Variants in SLC6A13 observed in about 807,000 individuals in gnomAD.
SLC6A13 encodes sodium- and chloride-dependent GABA transporter 2.
In SLC6A13, 69 loss-of-function variants were observed where a neutral mutation model predicts 72.9. The observed-to-expected ratio is 0.95, with a 90% CI of 0.78 to 1.16. The LOEUF is 1.16. Ranked by LOEUF, SLC6A13 falls within the 50% of genes most tolerant of loss-of-function variation. The probability of loss-of-function intolerance (pLI) is 0.00; values close to 1 mark genes in which losing one functional copy is unlikely to be tolerated. For synonymous variants in SLC6A13, 303 were observed against 303.0 expected (o/e 1.00, Z 0.00); for missense variants, 735 against 760.5 (o/e 0.97, Z 0.39).
At chr12:221,195 C>T in intron 14 of SLC6A13, 125 bp from the exon 15 acceptor site, 1 of 1,371,650 alleles carries the variant, frequency 7.3e-7, no homozygotes, top group Non-Finnish European at 9.7e-7. Flanking sequence ...CAGCCCCTGT[C>T]TGGGAGTCCC....
At chr12:237,071 G>T (rs962949116) in intron 6 of SLC6A13, 87 bp downstream of exon 6, 37 of 1,465,024 alleles carry the variant, frequency 2.5e-5, no homozygotes, top group Admixed American at 1.7e-4. Context: ...TCCTCAACGG[G>T]GCCACAGCTT....
At chr12:252,831 G>A (rs1043315872) in intron 2 of SLC6A13, among the ~76,000 whole-genome samples, 2 of 152,174 alleles carry the variant, frequency 1.3e-5, no homozygotes, top group African/African-American at 2.4e-5. Context: ...TCTGGGCCCC[G>A]TGGTCAGCTG....
intron 13 of SLC6A13, among the ~76,000 whole-genome samples, chr12:222,226 T>G (rs542466577): frequency 6.6e-6 from 1 of 152,252 alleles, no homozygotes; most frequent in Non-Finnish European, 1.5e-5. Flanking sequence ...ATTGCTGTGG[T>G]TATTAGCATT....
chr12:248,745 G>A (rs897550570), intron 2 of SLC6A13, among the ~76,000 whole-genome samples: 2 of 152,074 alleles, frequency 1.3e-5, no homozygotes, highest in Non-Finnish European at 2.9e-5. Context: ...AAATCAGTAT[G>A]GATATAACAG....
At chr12:243,639 C>G (rs759412358) in intron 3 of SLC6A13, 40 bp downstream of exon 3, 16 of 1,591,966 alleles carry the variant, frequency 1.0e-5, no homozygotes, top group Non-Finnish European at 1.2e-5. Context: ...TTTATAACCA[C>G]GAATGAAGAC....
rs1437616349 is a variant in SLC6A13, at chr12:237,157, C to T, written c.696+1G>A. On this transcript the variant is annotated splice_donor_variant, in intron 6 of 14. Transcript: ENST00000343164. LOFTEE classifies it high-confidence loss of function. Reference sequence around the variant, plus strand: ...GAGGGGCAGGAGCTCCCCACACGAACCTTGCCTGTGGACTTCACCCCCTTC... The same window carrying T: ...GAGGGGCAGGAGCTCCCCACACGAATCTTGCCTGTGGACTTCACCCCCTTC... The T allele has an allele frequency of 6.2e-7, 1 of 1,613,970 alleles. No individual in the cohort carries two copies. The highest frequency in any genetic ancestry group is 2.2e-5 in the East Asian group (1 of 44,866).
intron 11 of SLC6A13, 38 bp from the exon 12 acceptor site, chr12:223,272 C>T (rs774594206): frequency 1.6e-5 from 22 of 1,382,866 alleles, no homozygotes; most frequent in Middle Eastern, 1.8e-4. Context: ...GAAGTTTATC[C>T]AGTGGAAACA....
chr12:232,914 C>T (rs1470236573), intron 7 of SLC6A13, among the ~76,000 whole-genome samples: 1 of 152,250 alleles, frequency 6.6e-6, no homozygotes, highest in African/African-American at 2.4e-5. Flanking sequence ...TCCGGATAGC[C>T]TGACATTCTG....
rs550728545 is a variant in SLC6A13 at position 238,202 on chromosome 12, A to G, written c.479-192T>C. The stretch of plus-strand genomic sequence containing the variant: ...AAATGCAGCTCACTCTCTCCCGCAC[A>G]CTTGGACATGTGGGTACATAGATGC... On this transcript the variant is annotated intron_variant, in intron 4 of 14. Coordinates refer to ENST00000343164, the MANE Select transcript of SLC6A13 (RefSeq NM_016615.5). 5.2e-6 allele frequency: 8 copies of G among 1,529,126 alleles called. No individual in the cohort carries two copies. The African/African-American group carries it at 6.8e-5, about 13-fold the overall frequency. 94.7% of individuals were successfully genotyped at this position (1,529,126 alleles called of 1,614,324 possible). A position where few individuals can be genotyped will look rare whatever the true frequency, so the allele number is the denominator to read the frequency against.
At chr12:260,081 G>A (rs1942879298) in intron 1 of SLC6A13, 24 bp from the exon 2 acceptor site, 1 of 1,603,286 alleles carries the variant, frequency 6.2e-7, no homozygotes, top group Non-Finnish European at 8.5e-7. Flanking sequence ...GGGATGCTCT[G>A]TTACTGTTGG....
chr12:222,059 T>C (rs1248266377), intron 13 of SLC6A13, among the ~76,000 whole-genome samples: 2 of 152,246 alleles, frequency 1.3e-5, no homozygotes, highest in Non-Finnish European at 2.9e-5. Context: ...CTTGGGCCAG[T>C]GGCTTAACAA....
intron 4 of SLC6A13, among the ~76,000 whole-genome samples, chr12:242,017 C>G (rs143367457): frequency 1.3e-5 from 2 of 152,344 alleles, no homozygotes; most frequent in Non-Finnish European, 2.9e-5. Context: ...TTATAGCAGA[C>G]GGCCCAGGTG....
chr12:262,638 AT>A (rs1275414336), intron 1 of SLC6A13, 150 bp downstream of exon 1: 2 of 971,982 alleles, frequency 2.1e-6, no homozygotes, highest in African/African-American at 3.5e-5. Flanking sequence ...AAAATAGCAC[AT>A]AATCTTTGCA....
At chr12:252,052 TTG>T (rs1942573800) in intron 2 of SLC6A13, among the ~76,000 whole-genome samples, 1 of 152,198 alleles carries the variant, frequency 6.6e-6, no homozygotes, top group South Asian at 2.1e-4. Context: ...GATAAAGGAC[TTG>T]TGTGTTAGAA....
intron 2 of SLC6A13, among the ~76,000 whole-genome samples, chr12:250,738 C>G (rs1942502159): frequency 7.1e-6 from 1 of 141,378 alleles, no homozygotes; most frequent in Non-Finnish European, 1.5e-5. Context: ...AGATTTAATA[C>G]AATCCTAATC....
chr12:226,671 C>T (rs974555722), intron 8 of SLC6A13, 157 bp from the exon 9 acceptor site: 2 of 840,426 alleles, frequency 2.4e-6, no homozygotes, highest in Non-Finnish European at 3.5e-6. Context: ...ATTCAGAGGA[C>T]CACGCAAAGC....
At position 259,939 on chromosome 12, in the gene SLC6A13, CTTG is replaced by C; in HGVS notation, c.111_113del (p.Asn37del). 5.0e-6 allele frequency: 8 copies of C among 1,614,232 alleles called. No homozygotes were observed. Among genetic ancestry groups the C allele is most frequent in the Non-Finnish European group, 6.8e-6 (8 of 1,180,034 alleles). ...CAGCCACTGACAGCACAAACTCCAT[CTTG>C]TTGTTCCAGTGCCCCCGCTCCAGGG... On this transcript the variant is annotated inframe_deletion, in exon 2 of 15. Transcript: ENST00000343164.
rs956743796 is a variant in SLC6A13, at chr12:238,357, T to C, written c.479-347A>G. On this transcript the variant is annotated intron_variant, in intron 4 of 14. Coordinates refer to ENST00000343164, the MANE Select transcript of SLC6A13 (RefSeq NM_016615.5). ...CAAAGTCACCACCTTCGAGGAATAA[T>C]AAGAGGGAAGTGATGTGTCAGAGTG... 57 of 1,312,672 alleles carry C rather than the reference T, an allele frequency of 4.3e-5. No homozygotes were observed. The African/African-American group carries it at 7.8e-4, about 18-fold the overall frequency. 81.3% of individuals were successfully genotyped at this position (1,312,672 alleles called of 1,614,324 possible). A position where few individuals can be genotyped will look rare whatever the true frequency, so the allele number is the denominator to read the frequency against.
chr12:243,852 T>G (rs1456238444), intron 2 of SLC6A13, 39 bp from the exon 3 acceptor site: 3 of 1,604,076 alleles, frequency 1.9e-6, no homozygotes, highest in East Asian at 4.5e-5. Context: ...CCTGGGACTA[T>G]TCTCCTCATG....
Sources: gnomAD v4.1 joint callset for allele counts (sites outside exome capture counted in the v4.1 genomes callset) on GRCh38, gnomAD v4.1.1 for gene constraint, MANE v1.5 for transcripts, NCBI Gene and HGNC (gene_info 2026-07-23, HGNC 2026-07-21) for gene names.